LINC00305: variants seen among roughly 807,000 people sequenced by gnomAD.
LINC00305 encodes the protein long intergenic non-protein coding RNA 305.
intron 1 of LINC00305, among the ~76,000 whole-genome samples, chr18:64,117,659 T>C (rs2051343647): frequency 6.6e-6 from 1 of 152,198 alleles, no homozygotes; most frequent in Non-Finnish European, 1.5e-5. Context: ...TTCTCTTTTT[T>C]GAGACACTTA....
At chr18:64,132,832 C>G (rs986692825) in intron 1 of LINC00305, among the ~76,000 whole-genome samples, 1 of 152,158 alleles carries the variant, frequency 6.6e-6, no homozygotes, top group African/African-American at 2.4e-5. Flanking sequence ...CCAGGAAGTG[C>G]TGAGGACTCT....
chr18:64,135,000 G>A (rs1182742218), intron 1 of LINC00305, among the ~76,000 whole-genome samples: 1 of 152,136 alleles, frequency 6.6e-6, no homozygotes, highest in African/African-American at 2.4e-5. Flanking sequence ...AACAACCAAA[G>A]TTTATTGTCT....
intron 1 of LINC00305, among the ~76,000 whole-genome samples, chr18:64,101,695 T>C (rs1202530896): frequency 6.6e-6 from 1 of 152,202 alleles, no homozygotes; most frequent in African/African-American, 2.4e-5. Context: ...GGTGGAAAGC[T>C]TCTTCTGGAA....
At chr18:64,137,847 T>TACACACACACAC (rs34096602) in intron 1 of LINC00305, among the ~76,000 whole-genome samples, 11 of 148,482 alleles carry the variant, frequency 7.4e-5, no homozygotes, top group Non-Finnish European at 1.3e-4. Context: ...TACACACACA[T>TACACACACACAC]ACACACACAC....
chr18:64,097,873 C>T (rs1285148213), exon 3 of LINC00305: 2 of 458,084 alleles, frequency 4.4e-6, no homozygotes, highest in South Asian at 3.1e-5. Flanking sequence ...CTCACTCTAA[C>T]CACTGTCTTC....
At chr18:64,138,277 A>T (rs1314523162) in intron 1 of LINC00305, among the ~76,000 whole-genome samples, 2 of 152,184 alleles carry the variant, frequency 1.3e-5, no homozygotes, top group Non-Finnish European at 1.5e-5. Context: ...AAAAAGGAAA[A>T]AAATAAAAAA....
intron 1 of LINC00305, among the ~76,000 whole-genome samples, chr18:64,104,759 GACAA>G (rs1388175134): frequency 1.3e-5 from 2 of 152,238 alleles, no homozygotes; most frequent in Non-Finnish European, 2.9e-5. Flanking sequence ...ACTTCCCCAG[GACAA>G]ACAAAATTTT....
intron 3 of LINC00305, among the ~76,000 whole-genome samples, chr18:64,085,752 C>T (rs771530728): frequency 1.1e-4 from 17 of 152,224 alleles, no homozygotes; most frequent in Non-Finnish European, 2.1e-4. Flanking sequence ...TGAGCCACCA[C>T]GCCCAGTTTT....
At chr18:64,136,188 C>T (rs546219031) in intron 1 of LINC00305, among the ~76,000 whole-genome samples, 1 of 152,234 alleles carries the variant, frequency 6.6e-6, no homozygotes, top group African/African-American at 2.4e-5. Context: ...GTGTTTTCGT[C>T]CTTACTGATT....
chr18:64,124,440 C>T (rs1262769812), intron 1 of LINC00305, among the ~76,000 whole-genome samples: 1 of 152,090 alleles, frequency 6.6e-6, no homozygotes, highest in Admixed American at 6.6e-5. Flanking sequence ...TAAAATCACA[C>T]CATGTTATTG....
chr18:64,146,029 T>C (rs2051496218), intron 1 of LINC00305, among the ~76,000 whole-genome samples: 2 of 152,136 alleles, frequency 1.3e-5, no homozygotes. Context: ...AATATTAATA[T>C]TTTATGGAAA....
At chr18:64,104,566 A>G (rs1459864214) in intron 1 of LINC00305, among the ~76,000 whole-genome samples, 6 of 152,216 alleles carry the variant, frequency 3.9e-5, no homozygotes, top group Non-Finnish European at 5.9e-5. Context: ...AGGGGATGTC[A>G]TAGAAGAAGT....
At chr18:64,088,814 C>G (rs1428031744) in intron 3 of LINC00305, among the ~76,000 whole-genome samples, 3 of 152,090 alleles carry the variant, frequency 2.0e-5, no homozygotes, top group Non-Finnish European at 4.4e-5. Context: ...CCTGTGCCAG[C>G]TATAATGAGA....
At chr18:64,094,983 A>G (rs1178977631) in intron 3 of LINC00305, among the ~76,000 whole-genome samples, 2 of 152,174 alleles carry the variant, frequency 1.3e-5, no homozygotes, top group East Asian at 3.8e-4. Context: ...ACAAATTTGG[A>G]TACAGAAAAC....
chr18:64,137,801 T>A (rs1163704895), intron 1 of LINC00305, among the ~76,000 whole-genome samples: 1 of 151,884 alleles, frequency 6.6e-6, no homozygotes, highest in African/African-American at 2.4e-5. Flanking sequence ...TAAAAAGGAA[T>A]TTATCTGAGA....
chr18:64,127,953 G>T (rs1285265743), intron 1 of LINC00305, among the ~76,000 whole-genome samples: 1 of 152,064 alleles, frequency 6.6e-6, no homozygotes, highest in East Asian at 1.9e-4. Context: ...GAGGAGGGAG[G>T]TTGATTTCAG....
chr18:64,140,157 C>T (rs1042334863), intron 1 of LINC00305, among the ~76,000 whole-genome samples: 1 of 152,098 alleles, frequency 6.6e-6, no homozygotes, highest in Non-Finnish European at 1.5e-5. Context: ...TCTGACTATC[C>T]AATCGGAATT....
intron 1 of LINC00305, among the ~76,000 whole-genome samples, chr18:64,102,995 T>C (rs1296616342): frequency 2.0e-5 from 3 of 152,196 alleles, no homozygotes; most frequent in Admixed American, 2.0e-4. Flanking sequence ...AACTTATGTT[T>C]GGCAGGCAGG....
At chr18:64,108,376 A>G (rs78063296) in intron 1 of LINC00305, among the ~76,000 whole-genome samples, 1,756 of 152,310 alleles carry the variant, frequency 0.012, 46 homozygotes, top group African/African-American at 0.041. Context: ...TAGCATGATA[A>G]GTTGACTGTG....
Sources: gnomAD v4.1 joint callset for allele counts (sites outside exome capture counted in the v4.1 genomes callset) on GRCh38, gnomAD v4.1.1 for gene constraint, MANE v1.5 for transcripts, NCBI Gene and HGNC (gene_info 2026-07-23, HGNC 2026-07-21) for gene names.